The following SLC16A2 variants were observed in gnomAD, a reference collection of about 807,000 sequenced individuals.
SLC16A2 encodes the protein monocarboxylate transporter 8.
A neutral mutation model predicts 27.2 loss-of-function variants in SLC16A2; 3 were observed. That is an observed-to-expected ratio of 0.11 (90% CI 0.05 to 0.28). The LOEUF (loss-of-function observed/expected upper bound fraction) is 0.28. SLC16A2 is among the 10% of genes least tolerant of loss of function. The pLI is 1.00. For synonymous variants in SLC16A2, 202 were observed against 187.8 expected (o/e 1.08, Z -0.62); for missense variants, 295 against 458.5 (o/e 0.64, Z 3.26).
At chrX:74,487,005 G>A (rs1403976167) in intron 1 of SLC16A2, among the ~76,000 whole-genome samples, 3 of 111,951 alleles carry the variant, frequency 2.7e-5, no homozygotes, top group African/African-American at 6.5e-5. Context: ...ATGCTACTAC[G>A]TTACATAAAG....
At chrX:74,483,513 T>C (rs181927116) in intron 1 of SLC16A2, among the ~76,000 whole-genome samples, 1 of 111,005 alleles carries the variant, frequency 9.0e-6, no homozygotes, top group African/African-American at 3.3e-5. Flanking sequence ...ACCACCAAGA[T>C]TGTCGTTGTT....
chrX:74,430,256 A>T (rs964817359), intron 1 of SLC16A2, among the ~76,000 whole-genome samples: 3 of 111,971 alleles, frequency 2.7e-5, no homozygotes, highest in Non-Finnish European at 3.8e-5. Context: ...ACTTGCTCAA[A>T]CTCATAGCAG....
chrX:74,482,885 T>C (rs1198611679), intron 1 of SLC16A2, among the ~76,000 whole-genome samples: 1 of 111,091 alleles, frequency 9.0e-6, no homozygotes, highest in East Asian at 2.8e-4. Flanking sequence ...TTTTGTTTAT[T>C]TTTTGTAGAG....
intron 1 of SLC16A2, among the ~76,000 whole-genome samples, chrX:74,501,255 T>C (rs538793912): frequency 1.3e-3 from 142 of 111,259 alleles, no homozygotes; most frequent in African/African-American, 4.5e-3. Flanking sequence ...GTGCTAGAAC[T>C]GGGCAGTCAA....
chrX:74,435,607 G>A (rs1928620012), intron 1 of SLC16A2, among the ~76,000 whole-genome samples: 2 of 52,679 alleles, frequency 3.8e-5, no homozygotes, highest in African/African-American at 1.1e-4. Flanking sequence ...CCAATTCCAT[G>A]TTCTATGGGG....
At chrX:74,424,827 T>C (rs1338458815) in intron 1 of SLC16A2, among the ~76,000 whole-genome samples, 1 of 111,402 alleles carries the variant, frequency 9.0e-6, no homozygotes, top group Non-Finnish European at 1.9e-5. Flanking sequence ...ATGATTGGGA[T>C]TGTTGTGAGG....
chrX:74,477,955 C>A lies in SLC16A2; in HGVS notation c.431-43035C>A, dbSNP rs766676451. Reference sequence around the variant, plus strand: ...GTGTGGTGTGGTGCTGAAAAGAACGCATATTCTGTTGATTTGGGTTGGAGA... The same window carrying A: ...GTGTGGTGTGGTGCTGAAAAGAACGAATATTCTGTTGATTTGGGTTGGAGA... On this transcript the variant is annotated intron_variant, in intron 1 of 5. Transcript: ENST00000587091. 2.7e-5 allele frequency among the ~76,000 whole-genome samples: 3 copies of A among 111,918 alleles called. No individual in the cohort carries two copies. The Admixed American group carries it at 2.8e-4, about 11-fold the overall frequency.
At chrX:74,513,891 T>C (rs1930272929) in intron 1 of SLC16A2, among the ~76,000 whole-genome samples, 1 of 112,366 alleles carries the variant, frequency 8.9e-6, no homozygotes. Flanking sequence ...AAATACCATA[T>C]GTCACTCATT....
intron 1 of SLC16A2, among the ~76,000 whole-genome samples, chrX:74,443,108 GT>G (rs1306513598): frequency 8.9e-6 from 1 of 111,764 alleles, no homozygotes; most frequent in Non-Finnish European, 1.9e-5. Context: ...GTTTCCATGG[GT>G]TATCTCACTT....
chrX:74,464,691 G>A (rs1156346975), intron 1 of SLC16A2, among the ~76,000 whole-genome samples: 1 of 111,632 alleles, frequency 9.0e-6, no homozygotes, highest in Non-Finnish European at 1.9e-5. Context: ...AAGTCCATAA[G>A]TGGGCAAGAG....
intron 1 of SLC16A2, among the ~76,000 whole-genome samples, chrX:74,438,008 T>C (rs777393459): frequency 8.9e-6 from 1 of 112,348 alleles, no homozygotes; most frequent in South Asian, 3.7e-4. Context: ...AACATTTGCC[T>C]TGAGGCTCTC....
chrX:74,435,606 T>C, intron 1 of SLC16A2, among the ~76,000 whole-genome samples: 1 of 103,452 alleles, frequency 9.7e-6, no homozygotes, highest in Non-Finnish European at 1.9e-5. Context: ...CCCAATTCCA[T>C]GTTCTATGGG....
At position 74,502,364 on chromosome X, in the gene SLC16A2, G is replaced by A. The variant is rs549110547; in HGVS notation, c.431-18626G>A. On this transcript the variant is annotated intron_variant, in intron 1 of 5. Transcript: ENST00000587091. ...TTCAGTCCTGCCTCCATACCCTTGC[G>A]GATATAATAACCACAGTCATAGTTT... Among the ~76,000 whole-genome samples, 12 of 109,399 alleles carry A rather than the reference G, an allele frequency of 1.1e-4. No individual in the cohort carries two copies. The South Asian group carries it at 3.5e-3, about 32-fold the overall frequency. 95.0% of individuals were successfully genotyped at this position (109,399 alleles called of 115,157 possible).
At chrX:74,473,717 T>A (rs1306801267) in intron 1 of SLC16A2, 144 of 1,008,868 alleles carry the variant, frequency 1.4e-4, no homozygotes, top group Non-Finnish European at 1.9e-4. Flanking sequence ...ATCCACCTTG[T>A]GTGGCCTTGC....
intron 1 of SLC16A2, among the ~76,000 whole-genome samples, chrX:74,454,850 C>G (rs904628493): frequency 8.9e-5 from 10 of 112,051 alleles, no homozygotes; most frequent in Non-Finnish European, 1.9e-4. Context: ...TATTCAGTAG[C>G]TCTAGATCAT....
intron 1 of SLC16A2, among the ~76,000 whole-genome samples, chrX:74,478,622 G>A (rs1017122878): frequency 2.7e-5 from 3 of 111,392 alleles, no homozygotes; most frequent in Non-Finnish European, 5.6e-5. Context: ...GGCTGGTACC[G>A]GTCGTTCCTT....
intron 5 of SLC16A2, 86 bp downstream of exon 5, chrX:74,529,527 C>A: frequency 1.4e-6 from 1 of 692,827 alleles, no homozygotes; most frequent in Non-Finnish European, 2.1e-6. Context: ...CTCCTTGAGG[C>A]CCCTTTTCCT....
chrX:74,449,759 G>T (rs1370004914), intron 1 of SLC16A2, among the ~76,000 whole-genome samples: 1 of 111,974 alleles, frequency 8.9e-6, no homozygotes, highest in Non-Finnish European at 1.9e-5. Flanking sequence ...CACTGGCTCA[G>T]TGCCAACAGG....
At chrX:74,489,228 A>G (rs1193138436) in intron 1 of SLC16A2, among the ~76,000 whole-genome samples, 1 of 111,885 alleles carries the variant, frequency 8.9e-6, no homozygotes, top group Non-Finnish European at 1.9e-5. Flanking sequence ...GTGTTTCCTT[A>G]AGTAACAAAC....
Sources: allele counts gnomAD v4.1 joint callset (sites outside exome capture counted in the v4.1 genomes callset), GRCh38; gene constraint gnomAD v4.1.1; transcripts MANE v1.5; gene names NCBI Gene and HGNC (gene_info 2026-07-23, HGNC 2026-07-21).